The following FAM89A variants were observed in gnomAD, a reference collection of about 807,000 sequenced individuals.
FAM89A encodes the protein protein FAM89A.
In FAM89A, 10 loss-of-function variants were observed where a neutral mutation model predicts 7.1. The ratio of observed to expected loss-of-function variants is 1.40; its 90% CI spans 0.86 to 2.38. The LOEUF is 2.38. Ranked by LOEUF, FAM89A falls within the 30% of genes most tolerant of loss-of-function variation. The pLI is 0.00. For synonymous variants in FAM89A, 157 were observed against 129.3 expected (o/e 1.21, Z -1.45); for missense variants, 276 against 262.8 (o/e 1.05, Z -0.35).
chr1:231,020,194 T>G, intron 1 of FAM89A, 68 bp from the exon 2 acceptor site: 1 of 1,471,048 alleles, frequency 6.8e-7, no homozygotes, highest in South Asian at 1.3e-5. Flanking sequence ...AGTGGAACAC[T>G]CAGCCGGCGA....
Position 231,020,144 on chromosome 1 carries a change from G to A in FAM89A, c.292-18C>T, listed in dbSNP as rs1340698096. The A allele has an allele frequency of 3.2e-6, 5 of 1,580,176 alleles. No homozygotes were observed. In the South Asian group the frequency reaches 3.4e-5, roughly 11 times the overall value. ...AGACCAACCTTGAGGGAAGGGGTGGGGAGGTAAAAAACGAGAAGTCAGCAC... is the reference window on the plus strand; with the variant it reads ...AGACCAACCTTGAGGGAAGGGGTGGAGAGGTAAAAAACGAGAAGTCAGCAC... On this transcript the variant is annotated intron_variant, in intron 1 of 1. Transcript: ENST00000366654.
chr1:231,038,200 CAGACCAA>C (rs1489513679), intron 1 of FAM89A, among the ~76,000 whole-genome samples: 1 of 152,220 alleles, frequency 6.6e-6, no homozygotes, highest in Non-Finnish European at 1.5e-5. Flanking sequence ...AAATACCAGG[CAGACCAA>C]AGATGGCTGT....
At chr1:231,037,337 G>C (rs1439183826) in intron 1 of FAM89A, among the ~76,000 whole-genome samples, 1 of 152,148 alleles carries the variant, frequency 6.6e-6, no homozygotes, top group Non-Finnish European at 1.5e-5. Flanking sequence ...CTAGGTGCTG[G>C]CACTGTAATT....
At chr1:231,029,871 A>G (rs1012678144) in intron 1 of FAM89A, among the ~76,000 whole-genome samples, 12 of 152,256 alleles carry the variant, frequency 7.9e-5, no homozygotes, top group Non-Finnish European at 1.5e-5. Context: ...TGTCTAGTTT[A>G]TATCCACAGG....
chr1:231,021,512 C>T lies in FAM89A; in HGVS notation c.292-1386G>A, dbSNP rs1679877399. The T allele has an allele frequency of 4.4e-6, 3 of 689,376 alleles. 1 individual carries two copies. Among genetic ancestry groups the T allele is most frequent in the South Asian group, 3.6e-5 (2 of 55,074 alleles). 42.7% of individuals were successfully genotyped at this position (689,376 alleles called of 1,614,324 possible). On this transcript the variant is annotated intron_variant, in intron 1 of 1. Transcript: ENST00000366654. ...ATTCTTTTGCAAGCCAGATGATTAA[C>T]CAGAGGGCACGAAAGGTTGAGAACA...
rs1288041529 is a variant in FAM89A at position 231,021,825 on chromosome 1, AAAG to A, written c.292-1702_292-1700del. 62 of 1,600,976 alleles carry A rather than the reference AAAG, an allele frequency of 3.9e-5. No individual in the cohort carries two copies. In the East Asian group the frequency reaches 5.4e-4, roughly 14 times the overall value. ...AATGACTCTGTTGTGATTGTTGACA[AAAG>A]AAGAAGACCAAGGAGGAATGCTAGG... On this transcript the variant is annotated intron_variant, in intron 1 of 1. Coordinates refer to ENST00000366654, the MANE Select transcript of FAM89A (RefSeq NM_198552.3).
At position 231,040,042 on chromosome 1, in the gene FAM89A, T is replaced by C. The variant is rs1430950207; in HGVS notation, c.170A>G (p.Lys57Arg). The stretch of plus-strand genomic sequence containing the variant: ...GCTCAGCTCGTCCTGGATGCGCGAC[T>C]TCTGCGCGTACAGCCGCTCCAGGTG... Reference protein sequence around the residue: ...WRHLERLYAQKSRIQDELSRG... With the variant: ...WRHLERLYAQRSRIQDELSRG... Residue 57 changes from lysine (K) to arginine (R), a missense_variant, in exon 1 of 2, where the codon AAG becomes AGG. Transcript: ENST00000366654. 1 of 1,446,324 alleles carries C rather than the reference T, an allele frequency of 6.9e-7. No individual in the cohort carries two copies. The allele number at this position is 1,446,324 out of a possible 1,614,324, so 89.6% of individuals were successfully genotyped here. A position where few individuals can be genotyped will look rare whatever the true frequency, so the allele number is the denominator to read the frequency against.
At chr1:231,021,339 C>T (rs957792391) in intron 1 of FAM89A, among the ~76,000 whole-genome samples, 10 of 152,254 alleles carry the variant, frequency 6.6e-5, no homozygotes, top group Non-Finnish European at 1.2e-4. Flanking sequence ...ATTCTAATGC[C>T]TCCCGGGCTA....
chr1:231,031,116 A>C (rs1680061638), intron 1 of FAM89A, among the ~76,000 whole-genome samples: 1 of 151,836 alleles, frequency 6.6e-6, no homozygotes. Flanking sequence ...TCTCAATAAT[A>C]ATAATAATAA....
chr1:231,031,925 T>C (rs1458114919), intron 1 of FAM89A, among the ~76,000 whole-genome samples: 1 of 152,198 alleles, frequency 6.6e-6, no homozygotes, highest in African/African-American at 2.4e-5. Flanking sequence ...CACTTGTGAA[T>C]ATGAAATTGT....
intron 1 of FAM89A, chr1:231,022,017 T>C: frequency 7.5e-7 from 1 of 1,331,664 alleles, no homozygotes; most frequent in Non-Finnish European, 1.1e-6. Context: ...CCTATCTGCA[T>C]GGACAGATAT....
chr1:231,019,830 G>A lies in FAM89A; in HGVS notation c.*33C>T. On this transcript the variant is annotated 3_prime_UTR_variant, in exon 2 of 2. Coordinates refer to ENST00000366654, the MANE Select transcript of FAM89A (RefSeq NM_198552.3). ...GATGACAGCGTGTCCAGTAGGAAGG[G>A]CTTCCCAACAGTCACATCCCTCCCA... is the stretch of plus-strand genomic sequence containing the variant. The A allele has an allele frequency of 6.3e-7, 1 of 1,597,822 alleles. No homozygotes were observed. Among genetic ancestry groups the A allele is most frequent in the Non-Finnish European group, 8.6e-7 (1 of 1,169,242 alleles).
chr1:231,037,961 T>C (rs997052957), intron 1 of FAM89A, among the ~76,000 whole-genome samples: 12 of 152,300 alleles, frequency 7.9e-5, no homozygotes, highest in Non-Finnish European at 1.2e-4. Flanking sequence ...TTTAAACAGA[T>C]CAACACAAAC....
chr1:231,021,172 T>C (rs369132447), intron 1 of FAM89A, among the ~76,000 whole-genome samples: 88 of 152,332 alleles, frequency 5.8e-4, no homozygotes, highest in African/African-American at 1.9e-3. Context: ...GGGAAGAAAC[T>C]CAAGAAGACA....
intron 1 of FAM89A, among the ~76,000 whole-genome samples, chr1:231,025,294 G>C (rs1018440959): frequency 1.3e-5 from 2 of 152,106 alleles, no homozygotes; most frequent in Non-Finnish European, 2.9e-5. Context: ...TCGGGAGCGT[G>C]GTCTCCAGGC....
chr1:231,021,699 C>T (rs1679882055), intron 1 of FAM89A: 1 of 1,589,582 alleles, frequency 6.3e-7, no homozygotes, highest in Admixed American at 1.7e-5. Flanking sequence ...CCTGAGATTT[C>T]CTTGGAAGCA....
At chr1:231,032,775 G>A (rs770271640) in intron 1 of FAM89A, among the ~76,000 whole-genome samples, 13 of 152,108 alleles carry the variant, frequency 8.5e-5, no homozygotes, top group Non-Finnish European at 1.8e-4. Context: ...CTCAGCCTAG[G>A]CTCTCCTGGC....
In FAM89A at chr1:231,040,224, C is replaced by G. The variant is rs931205864; in HGVS notation, c.-13G>C. ...GGGCCCCACTCATCGCGCCGCGGCC[C>G]GGCCACGCGCCTGCCCCGCTGCAGC... is the stretch of plus-strand genomic sequence containing the variant. On this transcript the variant is annotated 5_prime_UTR_variant, in exon 1 of 2. Transcript: ENST00000366654. The G allele has an allele frequency of 1.2e-5, 13 of 1,045,140 alleles. No homozygotes were observed. The highest frequency in any genetic ancestry group is 6.9e-5 in the African/African-American group (4 of 58,194). The allele number at this position is 1,045,140 out of a possible 1,614,324, so 64.7% of individuals were successfully genotyped here.
In FAM89A at chr1:231,039,991, G is replaced by T; in HGVS notation, c.221C>A (p.Ala74Asp). The T allele has an allele frequency of 7.2e-7, 1 of 1,383,630 alleles. No individual in the cohort carries two copies. The highest frequency in any genetic ancestry group is 9.3e-7 in the Non-Finnish European group (1 of 1,075,650). 85.7% of individuals were successfully genotyped at this position (1,383,630 alleles called of 1,614,324 possible). A position where few individuals can be genotyped will look rare whatever the true frequency, so the allele number is the denominator to read the frequency against. Reference protein sequence around the residue: ...LSRGGPGGGGARAAALPAKPP... With the variant: ...LSRGGPGGGGDRAAALPAKPP... ...CTTGGCGGGCAGCGCTGCCGCCCGGGCCCCGCCGCCGCCCGGGCCCCCGCG... is the reference window on the plus strand; with the variant it reads ...CTTGGCGGGCAGCGCTGCCGCCCGGTCCCCGCCGCCGCCCGGGCCCCCGCG... Residue 74 changes from alanine (A) to aspartate (D), a missense_variant, in exon 1 of 2, where the codon GCC (alanine) becomes GAC (aspartate). Transcript: ENST00000366654.
Sources: allele counts gnomAD v4.1 joint callset (sites outside exome capture counted in the v4.1 genomes callset), GRCh38; gene constraint gnomAD v4.1.1; transcripts MANE v1.5; gene names NCBI Gene and HGNC (gene_info 2026-07-23, HGNC 2026-07-21).